MVB12B: variants seen among roughly 807,000 people sequenced by gnomAD.
MVB12B encodes the protein multivesicular body subunit 12B.
A neutral mutation model predicts 41.6 loss-of-function variants in MVB12B; 16 were observed. The observed-to-expected ratio is 0.38, with a 90% CI of 0.26 to 0.58. MVB12B has a LOEUF of 0.58. Among genes scored for constraint, MVB12B ranks in the 20% least tolerant of loss-of-function variants. MVB12B has a pLI of 0.62. For synonymous variants in MVB12B, 133 were observed against 139.7 expected (o/e 0.95, Z 0.34); for missense variants, 274 against 380.2 (o/e 0.72, Z 2.32).
At chr9:126,399,480 T>G (rs1831208978) in intron 6 of MVB12B, among the ~76,000 whole-genome samples, 1 of 152,206 alleles carries the variant, frequency 6.6e-6, no homozygotes, top group Non-Finnish European at 1.5e-5. Flanking sequence ...GGGTTTCTGA[T>G]TCAGCTCTGT....
chr9:126,483,468 T>TC (rs1402083518), intron 8 of MVB12B, among the ~76,000 whole-genome samples: 1 of 152,098 alleles, frequency 6.6e-6, no homozygotes, highest in African/African-American at 2.4e-5. Flanking sequence ...AGACCTGGAA[T>TC]CCCCCCAGCT....
chr9:126,495,059 G>A (rs1318443885), intron 9 of MVB12B, among the ~76,000 whole-genome samples: 1 of 152,082 alleles, frequency 6.6e-6, no homozygotes, highest in Non-Finnish European at 1.5e-5. Flanking sequence ...AGGTGTGGTG[G>A]TGCATGCCTG....
chr9:126,331,662 T>A (rs1829134362), intron 1 of MVB12B, among the ~76,000 whole-genome samples: 1 of 152,238 alleles, frequency 6.6e-6, no homozygotes, highest in Non-Finnish European at 1.5e-5. Flanking sequence ...TATTCCGGTT[T>A]TATAGGGATG....
intron 7 of MVB12B, among the ~76,000 whole-genome samples, chr9:126,441,979 C>T (rs1564332112): frequency 6.6e-6 from 1 of 152,096 alleles, no homozygotes; most frequent in Non-Finnish European, 1.5e-5. Flanking sequence ...GTGGATTTTG[C>T]TTTAAGAATT....
intron 6 of MVB12B, among the ~76,000 whole-genome samples, chr9:126,408,781 T>C (rs1322105186): frequency 6.6e-6 from 1 of 152,132 alleles, no homozygotes; most frequent in Non-Finnish European, 1.5e-5. Context: ...ATAGTATCTA[T>C]GAAATGTTAG....
chr9:126,405,580 C>T (rs1331455379), intron 6 of MVB12B, among the ~76,000 whole-genome samples: 3 of 151,946 alleles, frequency 2.0e-5, no homozygotes, highest in Non-Finnish European at 2.9e-5. Flanking sequence ...TAAAAATGGG[C>T]GTTAAACCAG....
chr9:126,483,738 G>A (rs10115679), intron 8 of MVB12B, among the ~76,000 whole-genome samples: 4,049 of 152,216 alleles, frequency 0.027, 160 homozygotes, highest in African/African-American at 0.092. Flanking sequence ...CAAAGGTCCC[G>A]CAGCACAGGG....
intron 6 of MVB12B, among the ~76,000 whole-genome samples, chr9:126,421,230 CTG>C (rs756334212): frequency 7.9e-5 from 12 of 152,220 alleles, no homozygotes; most frequent in African/African-American, 2.2e-4. Flanking sequence ...CCATCAAAGA[CTG>C]TGCTGTATCT....
chr9:126,492,517 CT>C (rs1833754861), intron 9 of MVB12B, among the ~76,000 whole-genome samples: 1 of 152,078 alleles, frequency 6.6e-6, no homozygotes, highest in Non-Finnish European at 1.5e-5. Context: ...TCACTGGGAC[CT>C]TAATGTGCCC....
Position 126,503,443 on chromosome 9 carries a change from AC to A in MVB12B, c.*184del, listed in dbSNP as rs1241035420. 6.7e-6 allele frequency: 4 copies of A among 601,414 alleles called. No homozygotes were observed. The highest frequency in any genetic ancestry group is 8.9e-6 in the Non-Finnish European group (3 of 338,442). 37.3% of individuals were successfully genotyped at this position (601,414 alleles called of 1,614,324 possible). A position where few individuals can be genotyped will look rare whatever the true frequency, so the allele number is the denominator to read the frequency against. On this transcript the variant is annotated 3_prime_UTR_variant, in exon 10 of 10. Coordinates refer to ENST00000361171, the MANE Select transcript of MVB12B (RefSeq NM_033446.3). ...CCTGTCTTCAGCTGGCCTCACTGAC[AC>A]CCCGGCCTCCCTGGGGACATTGTTC... is the stretch of plus-strand genomic sequence containing the variant.
chr9:126,430,461 C>T (rs371365760), intron 7 of MVB12B, among the ~76,000 whole-genome samples: 15 of 152,262 alleles, frequency 9.9e-5, no homozygotes, highest in East Asian at 9.7e-4. Flanking sequence ...ATTCCTCTCC[C>T]GCTGCTGATG....
Position 126,413,032 on chromosome 9 carries a change from C to T in MVB12B, c.663-8822C>T, listed in dbSNP as rs183533580. Among the ~76,000 whole-genome samples, 485 of 152,324 alleles carry T rather than the reference C, an allele frequency of 3.2e-3. 3 individuals are homozygous for T. Among genetic ancestry groups the T allele is most frequent in the Middle Eastern group, 0.017 (5 of 294 alleles). ...GGCTGCTCCCAGTTCATTGCCATGA[C>T]AAATGCTGCCCCAAGGCCCTGGTTC... On this transcript the variant is annotated intron_variant, in intron 6 of 9. Coordinates refer to ENST00000361171, the MANE Select transcript of MVB12B (RefSeq NM_033446.3).
chr9:126,358,628 G>A (rs1564288448), intron 2 of MVB12B, among the ~76,000 whole-genome samples: 1 of 152,080 alleles, frequency 6.6e-6, no homozygotes, highest in Non-Finnish European at 1.5e-5. Context: ...ATTGATTTTT[G>A]TAGATTGACT....
chr9:126,434,488 A>T (rs913538258), intron 7 of MVB12B, among the ~76,000 whole-genome samples: 1 of 152,186 alleles, frequency 6.6e-6, no homozygotes, highest in African/African-American at 2.4e-5. Context: ...ATAATTTTGA[A>T]TGAGGGAGTA....
At chr9:126,495,023 C>G (rs1833801907) in intron 9 of MVB12B, among the ~76,000 whole-genome samples, 1 of 152,038 alleles carries the variant, frequency 6.6e-6, no homozygotes, top group Non-Finnish European at 1.5e-5. Context: ...AAAACCCCAT[C>G]TCTACAAAAA....
intron 9 of MVB12B, among the ~76,000 whole-genome samples, chr9:126,501,361 A>C (rs1197744755): frequency 6.6e-6 from 1 of 152,132 alleles, no homozygotes; most frequent in Non-Finnish European, 1.5e-5. Context: ...GCAGGAGAGG[A>C]GAGGAGCCTG....
At position 126,395,426 on chromosome 9, in the gene MVB12B, A is replaced by T; in HGVS notation, c.540-149A>T. On this transcript the variant is annotated intron_variant, in intron 5 of 9. Coordinates refer to ENST00000361171, the MANE Select transcript of MVB12B (RefSeq NM_033446.3). The surrounding 1 kb of genome is among the most constrained non-coding windows in gnomAD (Gnocchi z 4.9). ...AACTATGACACCCAGAGCACAAAGG[A>T]GACGGTGGAACCCATTTCACGTGGA... 1 of 928,676 alleles carries T rather than the reference A, an allele frequency of 1.1e-6. No homozygotes were observed. Among genetic ancestry groups the T allele is most frequent in the Non-Finnish European group, 1.6e-6 (1 of 613,256 alleles). 57.5% of individuals were successfully genotyped at this position (928,676 alleles called of 1,614,324 possible).
intron 2 of MVB12B, among the ~76,000 whole-genome samples, chr9:126,368,958 A>G (rs1661767190): frequency 6.6e-6 from 1 of 152,182 alleles, no homozygotes; most frequent in Admixed American, 6.5e-5. Flanking sequence ...TATGTCATGT[A>G]GATCTTTCTA....
At chr9:126,443,478 C>T (rs1832692700) in intron 7 of MVB12B, among the ~76,000 whole-genome samples, 1 of 152,040 alleles carries the variant, frequency 6.6e-6, no homozygotes, top group African/African-American at 2.4e-5. Flanking sequence ...ATTTCTTCCT[C>T]TTTTAAAAAA....
Sources: allele counts gnomAD v4.1 joint callset (sites outside exome capture counted in the v4.1 genomes callset), GRCh38; gene constraint gnomAD v4.1.1; non-coding constraint Gnocchi (gnomAD v3.1); transcripts MANE v1.5; gene names NCBI Gene and HGNC (gene_info 2026-07-23, HGNC 2026-07-21).